CSMD3: variants seen among roughly 807,000 people sequenced by gnomAD.
CSMD3 encodes CUB and sushi domain-containing protein 3.
In CSMD3, 177 loss-of-function variants were observed where a neutral mutation model predicts 435.2. That is an observed-to-expected ratio of 0.41 (90% CI 0.36 to 0.46). The LOEUF (loss-of-function observed/expected upper bound fraction) is 0.46, where lower values mean the gene tolerates loss of function less well. CSMD3 is among the 20% of genes least tolerant of loss of function. CSMD3 has a pLI of 0.34. For missense variants in CSMD3, 4,265 were observed against 4,504.6 expected, an observed-to-expected ratio of 0.95 and a Z score of 1.52; for synonymous variants, 1,656 against 1,520.5, an observed-to-expected ratio of 1.09 and a Z score of -2.07.
intron 6 of CSMD3, among the ~76,000 whole-genome samples, chr8:112,993,531 G>T (rs1402656373): frequency 6.6e-6 from 1 of 151,746 alleles, no homozygotes; most frequent in East Asian, 1.9e-4. Context: ...AATATTTATT[G>T]AGTGCCTATT....
chr8:112,956,873 T>C (rs2130844056), intron 7 of CSMD3, among the ~76,000 whole-genome samples: 1 of 152,218 alleles, frequency 6.6e-6, no homozygotes, highest in African/African-American at 2.4e-5. Context: ...ATCTATACTT[T>C]TTAAATAAAA....
intron 10 of CSMD3, among the ~76,000 whole-genome samples, chr8:112,892,413 T>C (rs1245627669): frequency 6.6e-6 from 1 of 151,560 alleles, no homozygotes; most frequent in Admixed American, 6.6e-5. Context: ...CATTGCCATT[T>C]TTGGAAAATA....
rs1458998 is a variant in CSMD3, at chr8:112,873,325, T to C, written c.1634-14059A>G. ...ATTTAAAATTGGATGTTAGATTAACTGATCTACACCTGAAAAGGCAGGAAA... is the reference window on the plus strand; with the variant it reads ...ATTTAAAATTGGATGTTAGATTAACCGATCTACACCTGAAAAGGCAGGAAA... On this transcript the variant is annotated intron_variant, in intron 10 of 70. Transcript: ENST00000297405. Among the ~76,000 whole-genome samples the C allele has an allele frequency of 1.4e-3, 197 of 138,038 alleles. 1 individual carries two copies. In the Middle Eastern group the frequency reaches 0.027, roughly 19 times the overall value. 90.6% of individuals were successfully genotyped at this position (138,038 alleles called of 152,430 possible).
chr8:112,476,499 C>T (rs1819066081), intron 31 of CSMD3, among the ~76,000 whole-genome samples: 2 of 152,078 alleles, frequency 1.3e-5, no homozygotes, highest in African/African-American at 4.8e-5. Context: ...CTTATTTGAC[C>T]ATGAAAAATT....
intron 54 of CSMD3, among the ~76,000 whole-genome samples, chr8:112,292,932 T>A (rs112584983): frequency 3.9e-5 from 6 of 152,256 alleles, no homozygotes; most frequent in African/African-American, 1.4e-4. Flanking sequence ...AGAAAATTAT[T>A]TAAAATTGTG....
chr8:113,422,936 A>T (rs1458097528), intron 1 of CSMD3, among the ~76,000 whole-genome samples: 4 of 152,024 alleles, frequency 2.6e-5, no homozygotes, highest in Non-Finnish European at 2.9e-5. Context: ...CAAATTTTTT[A>T]AAAAATTTTG....
At chr8:112,785,498 T>C (rs1032909115) in intron 13 of CSMD3, among the ~76,000 whole-genome samples, 7 of 152,090 alleles carry the variant, frequency 4.6e-5, no homozygotes, top group African/African-American at 1.7e-4. Context: ...TATAAATTTA[T>C]ATTTGGAAAA....
chr8:112,445,465 A>T (rs929431730), intron 32 of CSMD3, among the ~76,000 whole-genome samples: 2 of 152,090 alleles, frequency 1.3e-5, no homozygotes, highest in Non-Finnish European at 2.9e-5. Flanking sequence ...GCAAAGGGTG[A>T]GAAGGTGTGT....
chr8:112,702,278 T>G (rs948091380), intron 13 of CSMD3, among the ~76,000 whole-genome samples: 12 of 151,978 alleles, frequency 7.9e-5, no homozygotes, highest in Non-Finnish European at 1.6e-4. Flanking sequence ...AGGATATGAG[T>G]TCTTAAGCAC....
chr8:112,761,488 A>C (rs1272104586), intron 13 of CSMD3, among the ~76,000 whole-genome samples: 1 of 152,088 alleles, frequency 6.6e-6, no homozygotes, highest in Non-Finnish European at 1.5e-5. Context: ...TATCCTGTAA[A>C]TATTTTTCAT....
At chr8:113,421,894 C>T (rs2094610661) in intron 1 of CSMD3, among the ~76,000 whole-genome samples, 1 of 152,082 alleles carries the variant, frequency 6.6e-6, no homozygotes, top group African/African-American at 2.4e-5. Flanking sequence ...GAATTTTATC[C>T]ATTTGCCCAA....
intron 16 of CSMD3, among the ~76,000 whole-genome samples, chr8:112,672,857 G>A (rs1337530753): frequency 6.6e-6 from 1 of 152,028 alleles, no homozygotes; most frequent in Non-Finnish European, 1.5e-5. Flanking sequence ...TGTGTTTTAA[G>A]ACCTCGATGA....
chr8:113,036,090 C>T (rs943359301), intron 5 of CSMD3, among the ~76,000 whole-genome samples: 2 of 151,826 alleles, frequency 1.3e-5, no homozygotes, highest in Admixed American at 6.6e-5. Flanking sequence ...TAGCTACTTA[C>T]TTTATCTACT....
At chr8:113,023,764 C>G (rs1197173920) in intron 5 of CSMD3, among the ~76,000 whole-genome samples, 1 of 152,096 alleles carries the variant, frequency 6.6e-6, no homozygotes, top group East Asian at 1.9e-4. Flanking sequence ...TGCACATGTT[C>G]TCATCATATC....
At chr8:112,301,430 A>G (rs955656422) in intron 53 of CSMD3, among the ~76,000 whole-genome samples, 6 of 152,162 alleles carry the variant, frequency 3.9e-5, no homozygotes, top group Non-Finnish European at 5.9e-5. Flanking sequence ...TTCTTCAGTC[A>G]TTACCTTAAG....
intron 11 of CSMD3, among the ~76,000 whole-genome samples, chr8:112,857,539 T>G (rs1197228728): frequency 6.6e-6 from 1 of 151,824 alleles, no homozygotes; most frequent in Non-Finnish European, 1.5e-5. Context: ...TATTCCATAC[T>G]TTATAATGAA....
intron 7 of CSMD3, among the ~76,000 whole-genome samples, chr8:112,955,969 C>A (rs1439171837): frequency 6.6e-6 from 1 of 151,598 alleles, no homozygotes. Flanking sequence ...TAATTTTTTT[C>A]TTGTTAATAA....
chr8:113,117,869 C>T (rs577027249), intron 4 of CSMD3, among the ~76,000 whole-genome samples: 1 of 152,206 alleles, frequency 6.6e-6, no homozygotes, highest in Non-Finnish European at 1.5e-5. Flanking sequence ...TGGCCAATTT[C>T]TCCCACTTGG....
chr8:113,093,993 A>G (rs111407192), intron 5 of CSMD3, among the ~76,000 whole-genome samples: 1 of 152,090 alleles, frequency 6.6e-6, no homozygotes, highest in Non-Finnish European at 1.5e-5. Flanking sequence ...TTCAAACTAT[A>G]TATCATAATT....
Sources: allele counts gnomAD v4.1 joint callset (sites outside exome capture counted in the v4.1 genomes callset), GRCh38; gene constraint gnomAD v4.1.1; transcripts MANE v1.5; gene names NCBI Gene and HGNC (gene_info 2026-07-23, HGNC 2026-07-21).